Variants in IQCM observed in about 807,000 individuals in gnomAD.
IQCM encodes the protein IQ motif containing M, also known as IQ domain-containing protein M.
A neutral mutation model predicts 57.6 loss-of-function variants in IQCM; 45 were observed. That is an observed-to-expected ratio of 0.78 (90% confidence interval 0.62 to 1.00). The LOEUF is 1.00. Ranked by LOEUF, IQCM falls within the 50% of genes least tolerant of loss-of-function variation. IQCM has a pLI of 0.00. For missense variants in IQCM, 468 were observed against 511.6 expected (o/e 0.91, Z 0.82); for synonymous variants, 148 against 158.9 (o/e 0.93, Z 0.51).
intron 12 of IQCM, among the ~76,000 whole-genome samples, chr4:149,466,517 A>C (rs2149718861): frequency 6.6e-6 from 1 of 152,322 alleles, no homozygotes; most frequent in South Asian, 2.1e-4. Context: ...AGCATGGACT[A>C]CTTATGAGAA....
chr4:149,680,326 G>C (rs530433131), intron 7 of IQCM, among the ~76,000 whole-genome samples: 1 of 151,256 alleles, frequency 6.6e-6, no homozygotes, highest in African/African-American at 2.4e-5. Flanking sequence ...TCAACAATTT[G>C]TTTTTAAAGC....
At chr4:149,693,139 A>T (rs1763065930) in intron 5 of IQCM, among the ~76,000 whole-genome samples, 1 of 152,160 alleles carries the variant, frequency 6.6e-6, no homozygotes, top group Non-Finnish European at 1.5e-5. Flanking sequence ...ATCTGAAATC[A>T]ATCATCCATT....
chr4:149,471,753 C>T (rs1739577862), intron 12 of IQCM, among the ~76,000 whole-genome samples: 1 of 152,154 alleles, frequency 6.6e-6, no homozygotes, highest in African/African-American at 2.4e-5. Context: ...TCCAGCAGCA[C>T]ATCAAAAAGC....
chr4:149,737,265 C>T (rs1767026647), intron 3 of IQCM, among the ~76,000 whole-genome samples: 1 of 152,088 alleles, frequency 6.6e-6, no homozygotes, highest in African/African-American at 2.4e-5. Context: ...TTGGATTATA[C>T]AGGCATATAT....
chr4:149,423,227 A>G (rs907322863), intron 13 of IQCM, among the ~76,000 whole-genome samples: 3 of 151,936 alleles, frequency 2.0e-5, no homozygotes, highest in African/African-American at 7.2e-5. Context: ...CAACTGGTGG[A>G]AGGGGAAGCA....
chr4:149,373,294 T>C (rs1044582237), intron 13 of IQCM, among the ~76,000 whole-genome samples: 3 of 152,142 alleles, frequency 2.0e-5, no homozygotes, highest in African/African-American at 7.2e-5. Flanking sequence ...CACAGTCACA[T>C]GGCTAGTAAA....
At chr4:149,472,938 G>C (rs564066542) in intron 12 of IQCM, among the ~76,000 whole-genome samples, 21 of 152,246 alleles carry the variant, frequency 1.4e-4, no homozygotes, top group South Asian at 1.2e-3. Context: ...AGCTGAAACT[G>C]GATCCCTTCC....
intron 2 of IQCM, among the ~76,000 whole-genome samples, chr4:149,810,341 G>A (rs1207333907): frequency 7.6e-6 from 1 of 131,950 alleles, no homozygotes; most frequent in East Asian, 2.2e-4. Flanking sequence ...CAGCCTGGAT[G>A]ACCGAGCAAG....
At chr4:149,777,435 C>G (rs1194026311) in intron 2 of IQCM, among the ~76,000 whole-genome samples, 2 of 152,092 alleles carry the variant, frequency 1.3e-5, no homozygotes, top group Non-Finnish European at 2.9e-5. Flanking sequence ...TGTTTTTCAG[C>G]TTTTATAATG....
At chr4:149,427,289 A>G (rs1224567335) in intron 13 of IQCM, among the ~76,000 whole-genome samples, 1 of 152,030 alleles carries the variant, frequency 6.6e-6, no homozygotes, top group Non-Finnish European at 1.5e-5. Flanking sequence ...CTCAGTTAAT[A>G]CTTGTTAAAT....
Position 149,704,570 on chromosome 4 carries a change from T to C in IQCM, c.386-18102A>G, listed in dbSNP as rs1473203378. On this transcript the variant is annotated intron_variant, in intron 5 of 13. Coordinates refer to ENST00000636793, the MANE Select transcript of IQCM (RefSeq NM_001363507.2). ...AGATTAGGATTAATTTCAGGGTACTTATGAAGGAAAAGTTCTCCGGACAGA... is the reference window on the plus strand; with the variant it reads ...AGATTAGGATTAATTTCAGGGTACTCATGAAGGAAAAGTTCTCCGGACAGA... 3.3e-5 allele frequency among the ~76,000 whole-genome samples: 5 copies of C among 151,808 alleles called. No homozygotes were observed. The East Asian group carries it at 9.7e-4, about 29-fold the overall frequency.
At chr4:149,758,676 A>G (rs568435638) in intron 2 of IQCM, among the ~76,000 whole-genome samples, 2 of 150,720 alleles carry the variant, frequency 1.3e-5, no homozygotes, top group Admixed American at 6.6e-5. Flanking sequence ...ATTTTAACAG[A>G]CACCTCACCA....
At chr4:149,496,665 T>C (rs1742690566) in intron 12 of IQCM, among the ~76,000 whole-genome samples, 1 of 152,280 alleles carries the variant, frequency 6.6e-6, no homozygotes, top group South Asian at 2.1e-4. Context: ...GTTGATGCCT[T>C]GATTTTAGGA....
At chr4:149,488,325 G>A (rs1161482291) in intron 12 of IQCM, among the ~76,000 whole-genome samples, 1 of 151,936 alleles carries the variant, frequency 6.6e-6, no homozygotes, top group Non-Finnish European at 1.5e-5. Flanking sequence ...TTATAAAACA[G>A]GCATAAAAAT....
intron 8 of IQCM, among the ~76,000 whole-genome samples, chr4:149,601,971 G>A (rs1247066082): frequency 1.3e-5 from 2 of 149,514 alleles, no homozygotes; most frequent in Admixed American, 1.3e-4. Flanking sequence ...GGAGAATGGC[G>A]TGAACCCGGG....
At chr4:149,704,582 G>T (rs187970407) in intron 5 of IQCM, among the ~76,000 whole-genome samples, 1 of 151,668 alleles carries the variant, frequency 6.6e-6, no homozygotes, top group Non-Finnish European at 1.5e-5. Flanking sequence ...TGAAGGAAAA[G>T]TTCTCCGGAC....
intron 10 of IQCM, among the ~76,000 whole-genome samples, chr4:149,560,562 C>T (rs1378829531): frequency 6.6e-6 from 1 of 151,882 alleles, no homozygotes; most frequent in Non-Finnish European, 1.5e-5. Flanking sequence ...TTACTTATAC[C>T]AAAACACATG....
At chr4:149,764,094 T>C (rs1769801303) in intron 2 of IQCM, among the ~76,000 whole-genome samples, 1 of 152,154 alleles carries the variant, frequency 6.6e-6, no homozygotes, top group Non-Finnish European at 1.5e-5. Context: ...TTATACCTTG[T>C]TGGGGCACAA....
intron 2 of IQCM, among the ~76,000 whole-genome samples, chr4:149,787,232 A>G (rs1772154391): frequency 6.6e-6 from 1 of 151,974 alleles, no homozygotes; most frequent in Non-Finnish European, 1.5e-5. Flanking sequence ...CCACCACAGC[A>G]TATGTATACC....
Sources: allele counts gnomAD v4.1 joint callset (sites outside exome capture counted in the v4.1 genomes callset), GRCh38; gene constraint gnomAD v4.1.1; transcripts MANE v1.5; gene names NCBI Gene and HGNC (gene_info 2026-07-23, HGNC 2026-07-21).